Variants in GCNT1 observed in about 807,000 individuals in gnomAD.
The protein encoded by GCNT1 is glucosaminyl (N-acetyl) transferase 1.
Under a neutral mutation model 26.2 loss-of-function variants are expected in GCNT1, and 16 were observed. That is an observed-to-expected ratio of 0.61 (90% confidence interval 0.41 to 0.93). The LOEUF is 0.93. Among genes scored for constraint, GCNT1 ranks in the 40% least tolerant of loss-of-function variants. The pLI is 0.00. For missense variants in GCNT1, 477 were observed against 526.7 expected (o/e 0.91, Z 0.92); for synonymous variants, 183 against 190.8 (o/e 0.96, Z 0.34).
intron 1 of GCNT1, among the ~76,000 whole-genome samples, chr9:76,444,878 C>G (rs1489511409): frequency 6.6e-6 from 1 of 152,166 alleles, no homozygotes; most frequent in Non-Finnish European, 1.5e-5. Context: ...GGTCAGTTTT[C>G]TATGAAGCAG....
rs897953084 is a variant in GCNT1 at position 76,506,390 on chromosome 9, AAAAAT to A, written c.*2723_*2727del. ...CCCATCTCTACTGAAAATAGAAAAA[AAAAAT>A]TAGCCAGGCTTGCACCTGTAATCCC... On this transcript the variant is annotated 3_prime_UTR_variant, in exon 4 of 4. Transcript: ENST00000376730. 1 of 166,710 alleles carries A rather than the reference AAAAAT, an allele frequency of 6.0e-6. No homozygotes were observed. Among genetic ancestry groups the A allele is most frequent in the African/African-American group, 2.4e-5 (1 of 41,410 alleles). 10.3% of individuals were successfully genotyped at this position (166,710 alleles called of 1,614,324 possible).
At chr9:76,406,429 C>A in the GCNT1 span, among the ~76,000 whole-genome samples, 1 of 144,674 alleles carries the variant, frequency 6.9e-6, no homozygotes. Context: ...CCTAGGAGAT[C>A]AAGGCTACAG....
intron 2 of GCNT1, among the ~76,000 whole-genome samples, chr9:76,472,110 T>C (rs1225975008): frequency 6.6e-6 from 1 of 151,802 alleles, no homozygotes; most frequent in Non-Finnish European, 1.5e-5. Flanking sequence ...ACCTCGTCCC[T>C]GCTAAAAATT....
chr9:76,470,204 A>G (rs1339846618), intron 2 of GCNT1, among the ~76,000 whole-genome samples: 1 of 152,146 alleles, frequency 6.6e-6, no homozygotes. Flanking sequence ...ATTTATAAAT[A>G]AGGCAGTCTG....
the GCNT1 span, among the ~76,000 whole-genome samples, chr9:76,403,136 A>C: frequency 2.0e-5 from 3 of 152,234 alleles, no homozygotes; most frequent in African/African-American, 7.2e-5. Context: ...TTCTAATGTC[A>C]GGTCAGGCCT....
chr9:76,430,550 T>C (rs577794925), intron 1 of GCNT1, among the ~76,000 whole-genome samples: 1 of 149,432 alleles, frequency 6.7e-6, no homozygotes, highest in African/African-American at 2.4e-5. Flanking sequence ...TTCGACTAAT[T>C]TTTTTTTTTT....
Position 76,503,714 on chromosome 9 carries a change from T to C in GCNT1, c.*46T>C. 2 of 1,439,674 alleles carry C rather than the reference T, an allele frequency of 1.4e-6. No homozygotes were observed. The highest frequency in any genetic ancestry group is 1.9e-6 in the Non-Finnish European group (2 of 1,037,494). The allele number at this position is 1,439,674 out of a possible 1,614,324, so 89.2% of individuals were successfully genotyped here. A position where few individuals can be genotyped will look rare whatever the true frequency, so the allele number is the denominator to read the frequency against. ...AACAAGAAGAAGGATACACAAAACG[T>C]ACCCTTATCTGTTTCCCCTTCCTTG... On this transcript the variant is annotated 3_prime_UTR_variant, in exon 4 of 4. Transcript: ENST00000376730.
At chr9:76,484,376 A>C (rs995649011) in intron 2 of GCNT1, among the ~76,000 whole-genome samples, 1 of 152,164 alleles carries the variant, frequency 6.6e-6, no homozygotes, top group African/African-American at 2.4e-5. Flanking sequence ...TCTTAAAAAA[A>C]AAAAAAAGAG....
chr9:76,443,994 A>AAG lies in GCNT1; in HGVS notation c.-290+1680_-290+1681insGA, dbSNP rs1823530360. On this transcript the variant is annotated intron_variant, in intron 1 of 2. Coordinates refer to the GCNT1 transcript ENST00000442371. ...GGAAGGAAGGAAGGAAGGAAGGAAGAAAAAAAGAGCCAGAAGCATTTGTTG... is the reference window on the plus strand; with the variant it reads ...GGAAGGAAGGAAGGAAGGAAGGAAGAAGAAAAAAGAGCCAGAAGCATTTGTTG... Among the ~76,000 whole-genome samples the AAG allele has an allele frequency of 9.6e-5, 14 of 145,694 alleles. No homozygotes were observed. The South Asian group carries it at 3.2e-3, about 34-fold the overall frequency.
chr9:76,428,117 T>C (rs1001104625), intron 1 of GCNT1, among the ~76,000 whole-genome samples: 9 of 151,224 alleles, frequency 6.0e-5, no homozygotes, highest in African/African-American at 2.2e-4. Flanking sequence ...ATACAAAAAA[T>C]TAGCCGCGCG....
chr9:76,506,038 CTTT>C lies in GCNT1; in HGVS notation c.*2372_*2374del, dbSNP rs947914191. On this transcript the variant is annotated 3_prime_UTR_variant, in exon 4 of 4. Coordinates refer to ENST00000376730, the MANE Select transcript of GCNT1 (RefSeq NM_001490.5). Reference sequence around the variant, plus strand: ...ATCCATTCATTGGGGCTCAAAGTATCTTTTAGACTTTTAAGGACAATTTACAGC... The same window carrying C: ...ATCCATTCATTGGGGCTCAAAGTATCTAGACTTTTAAGGACAATTTACAGC... The C allele has an allele frequency of 4.8e-5, 8 of 166,996 alleles. No individual in the cohort carries two copies. Among genetic ancestry groups the C allele is most frequent in the African/African-American group, 1.9e-4 (8 of 41,442 alleles). The allele number at this position is 166,996 out of a possible 1,614,324, so 10.3% of individuals were successfully genotyped here. A position where few individuals can be genotyped will look rare whatever the true frequency, so the allele number is the denominator to read the frequency against.
At chr9:76,466,454 C>T (rs968828958) in intron 2 of GCNT1, among the ~76,000 whole-genome samples, 1 of 152,180 alleles carries the variant, frequency 6.6e-6, no homozygotes, top group Non-Finnish European at 1.5e-5. Flanking sequence ...TACAGCACTA[C>T]GCCTGGCTAA....
At chr9:76,465,700 C>A (rs10869781) in intron 2 of GCNT1, among the ~76,000 whole-genome samples, 28,843 of 152,158 alleles carry the variant, frequency 0.19, 3,523 homozygotes, top group Non-Finnish European at 0.27. Context: ...TTTGCAGTCA[C>A]CCAGTGATGG....
intron 2 of GCNT1, among the ~76,000 whole-genome samples, chr9:76,469,241 G>T (rs1587431093): frequency 6.6e-6 from 1 of 152,142 alleles, no homozygotes; most frequent in Admixed American, 6.5e-5. Flanking sequence ...TGAGAGACAG[G>T]ACTAGCTGGA....
chr9:76,465,155 G>GT (rs374781585), intron 2 of GCNT1, among the ~76,000 whole-genome samples: 14,101 of 144,702 alleles, frequency 0.097, 971 homozygotes, highest in African/African-American at 0.19. Context: ...TCTGATTTGA[G>GT]TTTTTTTTTT....
intron 2 of GCNT1, among the ~76,000 whole-genome samples, chr9:76,489,267 T>C (rs1824664765): frequency 6.6e-6 from 1 of 152,226 alleles, no homozygotes; most frequent in Non-Finnish European, 1.5e-5. Context: ...CCAAACTTTA[T>C]TGGTCAAACC....
intron 2 of GCNT1, among the ~76,000 whole-genome samples, chr9:76,491,624 C>A (rs1381301844): frequency 6.6e-6 from 1 of 152,192 alleles, no homozygotes; most frequent in Non-Finnish European, 1.5e-5. Context: ...CTAACTGTGG[C>A]ATAACCTGCC....
chr9:76,413,653 G>GTTTTTTTTTTTTTGTTTTTTTTT, the GCNT1 span, among the ~76,000 whole-genome samples: 10 of 118,680 alleles, frequency 8.4e-5, no homozygotes, highest in African/African-American at 1.5e-4. Flanking sequence ...GTTTTGTTTT[G>GTTTTTTTTTTTTTGTTTTTTTTT]TTTTTTTTTT....
chr9:76,502,805 G>C lies in GCNT1; in HGVS notation c.424G>C (p.Ala142Pro). The change falls in exon 4 of 4, where the codon GCC becomes CCC. Residue 142 changes from alanine (A) to proline (P), a missense_variant. Ala to Pro is a conservative substitution (Grantham distance 27). Coordinates refer to ENST00000376730, the MANE Select transcript of GCNT1 (RefSeq NM_001490.5). ...KIEMLDRLLR[A>P]IYMPQNFYCI... ...TGAAATGCTTGACAGGCTGCTGAGG[G>C]CCATCTATATGCCTCAGAATTTCTA... The C allele has an allele frequency of 1.9e-6, 3 of 1,614,046 alleles. No individual in the cohort carries two copies. The highest frequency in any genetic ancestry group is 2.5e-6 in the Non-Finnish European group (3 of 1,179,954).
Sources: allele counts gnomAD v4.1 joint callset (sites outside exome capture counted in the v4.1 genomes callset), GRCh38; gene constraint gnomAD v4.1.1; transcripts MANE v1.5; gene names NCBI Gene and HGNC (gene_info 2026-07-23, HGNC 2026-07-21).